Variants in RIPOR2 observed in about 807,000 individuals in gnomAD.
RIPOR2 encodes the protein rho family-interacting cell polarization regulator 2.
Under a neutral mutation model 114.5 loss-of-function variants are expected in RIPOR2, and 39 were observed. That is an observed-to-expected ratio of 0.34 (90% CI 0.26 to 0.44). RIPOR2 has a LOEUF of 0.44. RIPOR2 is among the 20% of genes least tolerant of loss of function. RIPOR2 has a pLI of 1.00. For synonymous variants in RIPOR2, 445 were observed against 484.4 expected (o/e 0.92, Z 1.07); for missense variants, 1,007 against 1,255.1 (o/e 0.80, Z 2.99).
chr6:24,960,685 G>A (rs9393596), intron 1 of RIPOR2, among the ~76,000 whole-genome samples: 25,194 of 151,920 alleles, frequency 0.17, 2,863 homozygotes, highest in East Asian at 0.53. Context: ...CACCTGTAGT[G>A]CACCTGGCTA....
At chr6:24,848,778 AGT>A (rs1762568709) in intron 11 of RIPOR2, among the ~76,000 whole-genome samples, 1 of 152,158 alleles carries the variant, frequency 6.6e-6, no homozygotes, top group African/African-American at 2.4e-5. Flanking sequence ...ACAAAGCAAG[AGT>A]GTCTTTGCTG....
At chr6:25,012,681 T>A (rs1775821016) in intron 1 of RIPOR2, among the ~76,000 whole-genome samples, 2 of 152,018 alleles carry the variant, frequency 1.3e-5, no homozygotes, top group South Asian at 4.1e-4. Flanking sequence ...AATATACAAA[T>A]CCATAGAGAT....
At chr6:24,998,486 A>T (rs1775144455) in intron 1 of RIPOR2, among the ~76,000 whole-genome samples, 1 of 152,232 alleles carries the variant, frequency 6.6e-6, no homozygotes, top group African/African-American at 2.4e-5. Flanking sequence ...TCTATCAAAA[A>T]ATCTAGCATC....
At chr6:25,041,714 ACGG>A in intron 1 of RIPOR2, 1 of 595,238 alleles carries the variant, frequency 1.7e-6, no homozygotes, top group Non-Finnish European at 3.0e-6. Flanking sequence ...CCATTGGAAA[ACGG>A]AGCACAGGAA....
chr6:25,007,412 G>C (rs1775602892), intron 1 of RIPOR2, among the ~76,000 whole-genome samples: 1 of 152,078 alleles, frequency 6.6e-6, no homozygotes, highest in Non-Finnish European at 1.5e-5. Context: ...TCCACCACGG[G>C]CGCTCAATAC....
At chr6:24,840,508 A>G (rs1329406279) in intron 13 of RIPOR2, 3 of 1,408,584 alleles carry the variant, frequency 2.1e-6, no homozygotes, top group Non-Finnish European at 2.8e-6. Flanking sequence ...AATATTCAAG[A>G]GGATGCTGGG....
intron 1 of RIPOR2, among the ~76,000 whole-genome samples, chr6:24,903,209 T>C (rs1415399778): frequency 2.0e-5 from 3 of 152,184 alleles, no homozygotes; most frequent in Admixed American, 6.5e-5. Flanking sequence ...AGTCTCAGGA[T>C]AGTCAGACTG....
At chr6:24,981,537 T>G (rs893077964) in intron 1 of RIPOR2, among the ~76,000 whole-genome samples, 2 of 152,196 alleles carry the variant, frequency 1.3e-5, no homozygotes, top group Non-Finnish European at 2.9e-5. Context: ...TTCCTGAGCT[T>G]GCTCTGGTTC....
At chr6:25,025,936 T>C (rs1776594753) in intron 1 of RIPOR2, among the ~76,000 whole-genome samples, 1 of 152,206 alleles carries the variant, frequency 6.6e-6, no homozygotes, top group South Asian at 2.1e-4. Context: ...CTCCAAGGGA[T>C]GATTTGTTTG....
intron 1 of RIPOR2, among the ~76,000 whole-genome samples, chr6:25,020,570 A>G (rs1776271275): frequency 6.6e-6 from 1 of 152,200 alleles, no homozygotes; most frequent in Admixed American, 6.5e-5. Context: ...TCCACCCACC[A>G]GTTCCTTTCT....
chr6:25,039,377 C>G (rs1480843854), intron 1 of RIPOR2, among the ~76,000 whole-genome samples: 1 of 152,148 alleles, frequency 6.6e-6, no homozygotes, highest in East Asian at 1.9e-4. Flanking sequence ...TGATCCTGTT[C>G]CTGTTTCTAA....
chr6:24,836,314 C>T (rs778999546), intron 14 of RIPOR2, among the ~76,000 whole-genome samples: 34 of 152,210 alleles, frequency 2.2e-4, no homozygotes, highest in Admixed American at 5.9e-4. Context: ...AGATCAACTG[C>T]TACTTGAATA....
chr6:24,876,812 T>G (rs1331247090), intron 1 of RIPOR2: 5 of 230,000 alleles, frequency 2.2e-5, no homozygotes, highest in African/African-American at 1.2e-4. Flanking sequence ...TTGTAAGGAC[T>G]TACCACAACA....
chr6:24,938,991 T>C (rs1015820321), upstream of RIPOR2, among the ~76,000 whole-genome samples: 2 of 152,222 alleles, frequency 1.3e-5, no homozygotes, highest in Non-Finnish European at 2.9e-5. Flanking sequence ...TATATTTATA[T>C]GAGTGTCCAA....
chr6:24,990,602 T>A (rs976123896), intron 1 of RIPOR2, among the ~76,000 whole-genome samples: 7 of 152,242 alleles, frequency 4.6e-5, no homozygotes, highest in African/African-American at 1.7e-4. Flanking sequence ...GGTTTATAGT[T>A]TAAACTTATC....
At chr6:25,031,377 T>G (rs1234754575) in intron 1 of RIPOR2, 3 of 152,094 alleles carry the variant, frequency 2.0e-5, no homozygotes, top group Non-Finnish European at 2.9e-5. Flanking sequence ...CAAAGGGGCA[T>G]GAAGGAATGT....
intron 1 of RIPOR2, among the ~76,000 whole-genome samples, chr6:24,963,102 A>G (rs1773376755): frequency 6.6e-6 from 1 of 152,106 alleles, no homozygotes; most frequent in African/African-American, 2.4e-5. Context: ...CAATGGCGCA[A>G]TCTTGGCTCA....
chr6:24,827,029 C>T (rs555331153), intron 18 of RIPOR2, among the ~76,000 whole-genome samples: 9 of 151,154 alleles, frequency 6.0e-5, no homozygotes, highest in African/African-American at 9.7e-5. Context: ...TCTTGGGGAC[C>T]GTGTAATAAG....
At chr6:24,905,036 A>T (rs988660699) in intron 1 of RIPOR2, among the ~76,000 whole-genome samples, 1 of 152,040 alleles carries the variant, frequency 6.6e-6, no homozygotes, top group Non-Finnish European at 1.5e-5. Flanking sequence ...CAGCCTCCCC[A>T]AGTGTTGGGA....
Sources: allele counts gnomAD v4.1 joint callset (sites outside exome capture counted in the v4.1 genomes callset), GRCh38; gene constraint gnomAD v4.1.1; transcripts MANE v1.5; gene names NCBI Gene and HGNC (gene_info 2026-07-23, HGNC 2026-07-21).